The following PNPLA8 variants were observed in gnomAD, a reference collection of about 807,000 sequenced individuals.
PNPLA8 encodes the protein patatin like domain 8, phospholipase A2.
A neutral mutation model predicts 76.9 loss-of-function variants in PNPLA8; 39 were observed. The ratio of observed to expected loss-of-function variants is 0.51; its 90% CI spans 0.39 to 0.66. The LOEUF (loss-of-function observed/expected upper bound fraction) is 0.66, where lower values mean the gene tolerates loss of function less well. PNPLA8 is among the 30% of genes least tolerant of loss of function. The probability of loss-of-function intolerance (pLI) is 0.00; values close to 1 mark genes in which losing one functional copy is unlikely to be tolerated. For synonymous variants in PNPLA8, 301 were observed against 307.9 expected (o/e 0.98, Z 0.24); for missense variants, 887 against 918.0 (o/e 0.97, Z 0.44).
chr7:108,501,391 A>T (rs758136325), intron 5 of PNPLA8, among the ~76,000 whole-genome samples: 1 of 152,270 alleles, frequency 6.6e-6, no homozygotes, highest in Non-Finnish European at 1.5e-5. Flanking sequence ...GAACAAAGAA[A>T]GAATTTATTT....
At chr7:108,483,703 C>T (rs978397661) in intron 9 of PNPLA8, among the ~76,000 whole-genome samples, 7 of 152,144 alleles carry the variant, frequency 4.6e-5, no homozygotes, top group African/African-American at 1.4e-4. Context: ...TGTTGAAAGT[C>T]ATAAATTGGA....
At position 108,472,633 on chromosome 7, in the gene PNPLA8, T is replaced by C; in HGVS notation, c.2117A>G (p.Tyr706Cys). Residue 706 changes from tyrosine (Y) to cysteine (C), a missense_variant, in exon 11 of 11, where the codon TAT becomes TGT. By Grantham distance (194) the Tyr-to-Cys change is radical (BLOSUM62 -2). Transcript: ENST00000257694. ...MLDGLLPPDT[Y>C]FRFNPVMCEN... ...ACACATTACAGGATTGAATCTAAAATAGGTGTCAGGAGGTAACAGGCCATC... is the reference window on the plus strand; with the variant it reads ...ACACATTACAGGATTGAATCTAAAACAGGTGTCAGGAGGTAACAGGCCATC... 2 of 1,599,248 alleles carry C rather than the reference T, an allele frequency of 1.3e-6. No homozygotes were observed. Among genetic ancestry groups the C allele is most frequent in the Non-Finnish European group, 1.7e-6 (2 of 1,176,264 alleles).
chr7:108,487,977 T>C (rs1322949389), intron 8 of PNPLA8, 24 bp from the exon 9 acceptor site: 1 of 1,405,684 alleles, frequency 7.1e-7, no homozygotes, highest in Non-Finnish European at 1.0e-6. Context: ...AAGTGAACAA[T>C]TCCATCATTA....
At chr7:108,502,273 T>G (rs1379268820) in intron 5 of PNPLA8, among the ~76,000 whole-genome samples, 1 of 151,542 alleles carries the variant, frequency 6.6e-6, no homozygotes, top group East Asian at 1.9e-4. Context: ...TGAAACCCTG[T>G]CTCCACTAAA....
chr7:108,484,359 T>A (rs1055620501), intron 9 of PNPLA8, among the ~76,000 whole-genome samples: 1 of 152,134 alleles, frequency 6.6e-6, no homozygotes, highest in Non-Finnish European at 1.5e-5. Context: ...ATTAGGTCCA[T>A]GGTAGTTCCT....
At chr7:108,473,943 G>A (rs989457921) in intron 10 of PNPLA8, among the ~76,000 whole-genome samples, 2 of 151,920 alleles carry the variant, frequency 1.3e-5, no homozygotes, top group African/African-American at 2.4e-5. Context: ...GGGCTCAACC[G>A]ATCCACCCAA....
chr7:108,506,779 TA>T (rs1310569085), intron 4 of PNPLA8, among the ~76,000 whole-genome samples: 34 of 151,896 alleles, frequency 2.2e-4, no homozygotes, highest in Admixed American at 1.3e-4. Flanking sequence ...GAGGCACAAC[TA>T]AATTATGCTG....
At chr7:108,485,500 CAT>C (rs767665530) in intron 9 of PNPLA8, among the ~76,000 whole-genome samples, 6 of 152,060 alleles carry the variant, frequency 3.9e-5, no homozygotes, top group Non-Finnish European at 7.4e-5. Context: ...TACATTAAAA[CAT>C]ATGTCAGATG....
chr7:108,510,984 A>C (rs1862877668), intron 4 of PNPLA8: 1 of 1,491,520 alleles, frequency 6.7e-7, no homozygotes, highest in Non-Finnish European at 9.2e-7. Flanking sequence ...TAAGGTGTCT[A>C]CCATGACTAT....
intron 4 of PNPLA8, among the ~76,000 whole-genome samples, chr7:108,505,997 T>G (rs1192022645): frequency 1.3e-5 from 2 of 152,170 alleles, no homozygotes; most frequent in African/African-American, 4.8e-5. Context: ...CTGGAAAAGA[T>G]GCTGAATATC....
intron 4 of PNPLA8, among the ~76,000 whole-genome samples, chr7:108,505,722 C>T (rs969971749): frequency 2.0e-5 from 3 of 151,904 alleles, no homozygotes; most frequent in African/African-American, 7.3e-5. Flanking sequence ...AAAATACTAA[C>T]TATAAAGAAA....
At chr7:108,491,496 T>C in intron 7 of PNPLA8, 29 bp from the exon 8 acceptor site, 7 of 1,379,218 alleles carry the variant, frequency 5.1e-6, no homozygotes, top group Non-Finnish European at 7.2e-6. Flanking sequence ...AAATAAGTTA[T>C]ATCAAAATGA....
In PNPLA8 at chr7:108,497,595, G is replaced by C. The variant is rs75926214; in HGVS notation, c.1359-18C>G. ...CCACGCCCCTACAGAAAAGATTAAA[G>C]ACAAAATGACAATTCCTGTTTAAAG... On this transcript the variant is annotated intron_variant, in intron 5 of 10. Coordinates refer to ENST00000257694, the MANE Select transcript of PNPLA8 (RefSeq NM_001256007.3). 4.0e-4 allele frequency: 551 copies of C among 1,391,416 alleles called. 3 individuals are homozygous for C. In the African/African-American group the frequency reaches 7.3e-3, roughly 18 times the overall value. The allele number at this position is 1,391,416 out of a possible 1,614,324, so 86.2% of individuals were successfully genotyped here. A position where few individuals can be genotyped will look rare whatever the true frequency, so the allele number is the denominator to read the frequency against.
chr7:108,516,450 C>CA (rs777048461), intron 2 of PNPLA8, among the ~76,000 whole-genome samples: 1 of 152,108 alleles, frequency 6.6e-6, no homozygotes, highest in Non-Finnish European at 1.5e-5. Context: ...AAAATTAACT[C>CA]AAAACAGATT....
At chr7:108,499,391 C>T (rs1861786869) in intron 5 of PNPLA8, among the ~76,000 whole-genome samples, 1 of 152,174 alleles carries the variant, frequency 6.6e-6, no homozygotes. Context: ...TCTGTGTCTA[C>T]CACTGTAGGT....
At chr7:108,504,958 C>T (rs1401280399) in intron 4 of PNPLA8, among the ~76,000 whole-genome samples, 2 of 151,984 alleles carry the variant, frequency 1.3e-5, no homozygotes, top group Non-Finnish European at 2.9e-5. Context: ...TGCCTGTAAT[C>T]CCAGCTACTA....
chr7:108,526,602 T>G (rs1864105415), upstream of PNPLA8, among the ~76,000 whole-genome samples: 3 of 152,176 alleles, frequency 2.0e-5, no homozygotes, highest in Non-Finnish European at 4.4e-5. Context: ...GCGATACCAG[T>G]CTCTTGGAGG....
chr7:108,516,853 G>A (rs1863381030), intron 2 of PNPLA8, among the ~76,000 whole-genome samples: 1 of 152,048 alleles, frequency 6.6e-6, no homozygotes, highest in Admixed American at 6.6e-5. Context: ...AGCGAGCCAA[G>A]ATCGTGCCAC....
At chr7:108,493,567 G>GATTTTTTTTTTTT (rs1563951361) in intron 7 of PNPLA8, among the ~76,000 whole-genome samples, 1 of 105,656 alleles carries the variant, frequency 9.5e-6, no homozygotes, top group African/African-American at 3.6e-5. Context: ...CCCATGCCTG[G>GATTTTTTTTTTTT]CTTTTTTTTT....
Sources: gnomAD v4.1 joint callset for allele counts (sites outside exome capture counted in the v4.1 genomes callset) on GRCh38, gnomAD v4.1.1 for gene constraint, MANE v1.5 for transcripts, NCBI Gene and HGNC (gene_info 2026-07-23, HGNC 2026-07-21) for gene names.